The following ADAMTSL1 variants were observed in gnomAD, a reference collection of about 807,000 sequenced individuals.
The protein encoded by ADAMTSL1 is ADAMTS-like protein 1.
In ADAMTSL1, 126 loss-of-function variants were observed where a neutral mutation model predicts 201.8. The observed-to-expected ratio is 0.62, with a 90% CI of 0.54 to 0.72. The LOEUF (loss-of-function observed/expected upper bound fraction) is 0.72. Among genes scored for constraint, ADAMTSL1 ranks in the 30% least tolerant of loss-of-function variants. The probability of loss-of-function intolerance (pLI) is 0.00; values close to 1 mark genes in which losing one functional copy is unlikely to be tolerated. For missense variants in ADAMTSL1, 2,679 were observed against 2,277.8 expected (o/e 1.18, Z -3.59); for synonymous variants, 1,121 against 903.4 (o/e 1.24, Z -4.32).
chr9:18,626,839 T>TTCTTTCTTTCTTTC (rs757449217), intron 5 of ADAMTSL1, among the ~76,000 whole-genome samples: 123 of 133,360 alleles, frequency 9.2e-4, no homozygotes, highest in African/African-American at 3.5e-3. Context: ...CTTACTTTCT[T>TTCTTTCTTTCTTTC]TTTCTTTCTT....
chr9:18,291,677 T>C lies in ADAMTSL1; in HGVS notation c.207+127696T>C, dbSNP rs527368885. 9.6e-4 allele frequency among the ~76,000 whole-genome samples: 145 copies of C among 151,472 alleles called. 2 individuals carry two copies. Among genetic ancestry groups the C allele is most frequent in the Middle Eastern group, 3.4e-3 (1 of 294 alleles). On this transcript the variant is annotated intron_variant, in intron 2 of 29. Coordinates refer to the ADAMTSL1 transcript ENST00000680146. Reference sequence around the variant, plus strand: ...ACAATCTCTCCCCATCATCTCTCTCTCTCTCTCGGGTGCGCACATGCTCTC... The same window carrying C: ...ACAATCTCTCCCCATCATCTCTCTCCCTCTCTCGGGTGCGCACATGCTCTC...
intron 1 of ADAMTSL1, among the ~76,000 whole-genome samples, chr9:18,031,118 G>T (rs1401224668): frequency 6.6e-6 from 1 of 151,998 alleles, no homozygotes; most frequent in Admixed American, 6.6e-5. Context: ...ATTTTGTTAA[G>T]CTTCTTTGCC....
intron 2 of ADAMTSL1, among the ~76,000 whole-genome samples, chr9:18,261,012 C>CT (rs3085417): frequency 0.039 from 4,034 of 104,222 alleles, 256 homozygotes; most frequent in African/African-American, 0.11. Context: ...TTTCCTTTTT[C>CT]TTTTTTTTTT....
At chr9:18,489,242 T>A (rs1356925892) in intron 1 of ADAMTSL1, among the ~76,000 whole-genome samples, 1 of 152,224 alleles carries the variant, frequency 6.6e-6, no homozygotes, top group East Asian at 1.9e-4. Context: ...GAAGATGCTT[T>A]ATAAACTCCC....
intron 1 of ADAMTSL1, among the ~76,000 whole-genome samples, chr9:18,484,843 G>A (rs1046149066): frequency 6.6e-6 from 1 of 152,072 alleles, no homozygotes; most frequent in Non-Finnish European, 1.5e-5. Context: ...GGATTTCATA[G>A]ACTATTAAAA....
intron 2 of ADAMTSL1, among the ~76,000 whole-genome samples, chr9:18,262,218 T>C (rs994913636): frequency 1.3e-5 from 2 of 152,064 alleles, no homozygotes; most frequent in African/African-American, 4.8e-5. Context: ...GAGTAATGAC[T>C]GGTGGAGTAT....
intron 1 of ADAMTSL1, among the ~76,000 whole-genome samples, chr9:17,952,086 G>A (rs992814648): frequency 1.3e-5 from 2 of 150,762 alleles, no homozygotes; most frequent in African/African-American, 2.4e-5. Context: ...AGAGGTGTAT[G>A]CCTCCATGCC....
At chr9:18,162,361 G>A (rs777770253) in intron 1 of ADAMTSL1, among the ~76,000 whole-genome samples, 1 of 151,886 alleles carries the variant, frequency 6.6e-6, no homozygotes, top group Non-Finnish European at 1.5e-5. Flanking sequence ...GGCCTACCTG[G>A]ATAATCCAGG....
At chr9:18,022,681 G>A (rs1230982565) in intron 1 of ADAMTSL1, among the ~76,000 whole-genome samples, 1 of 151,524 alleles carries the variant, frequency 6.6e-6, no homozygotes, top group Non-Finnish European at 1.5e-5. Context: ...TAAAGCAAAA[G>A]CAATTTTAAA....
chr9:18,387,089 T>C (rs572300123), intron 2 of ADAMTSL1, among the ~76,000 whole-genome samples: 43 of 152,212 alleles, frequency 2.8e-4, no homozygotes, highest in Middle Eastern at 3.4e-3. Context: ...AATTAATATA[T>C]ACATTGGGAT....
intron 2 of ADAMTSL1, among the ~76,000 whole-genome samples, chr9:18,419,364 T>C (rs1184933909): frequency 2.0e-5 from 3 of 148,206 alleles, no homozygotes. Context: ...TCAGAACTAT[T>C]AATTGGACTT....
In ADAMTSL1 at chr9:18,829,856, C is replaced by G. The variant is rs1422245943; in HGVS notation, c.4128C>G (p.Val1376=). The G allele has an allele frequency of 6.2e-7, 1 of 1,613,980 alleles. No individual in the cohort carries two copies. The highest frequency in any genetic ancestry group is 1.7e-5 in the Admixed American group (1 of 60,024). Residue 1376 remains valine (V), a synonymous_variant, in exon 23 of 29, where the codon GTC becomes GTG. Transcript: ENST00000380548. The part of the protein sequence containing the change: ...TQLLILDPPQ[V]PTQLEDIRAL... ...GCCTTCTCACAGATCCCCCCCAAGT[C>G]CCCACACAGTTGGAAGACATCAGGG...
intron 23 of ADAMTSL1, among the ~76,000 whole-genome samples, chr9:18,849,718 G>A (rs1032364564): frequency 6.6e-6 from 1 of 152,174 alleles, no homozygotes; most frequent in African/African-American, 2.4e-5. Context: ...ATACTGGAAG[G>A]CCGAGGTTTT....
At chr9:18,206,332 T>G (rs1431232958) in intron 2 of ADAMTSL1, among the ~76,000 whole-genome samples, 3 of 152,140 alleles carry the variant, frequency 2.0e-5, no homozygotes, top group Non-Finnish European at 4.4e-5. Flanking sequence ...GTGATTGACG[T>G]GGAGCCCAGG....
chr9:18,105,981 A>G (rs752427337), intron 1 of ADAMTSL1, among the ~76,000 whole-genome samples: 6 of 152,206 alleles, frequency 3.9e-5, no homozygotes, highest in Admixed American at 1.3e-4. Flanking sequence ...TTATTTTGCA[A>G]TATCGGTCAG....
chr9:18,684,648 G>A (rs1407283043), intron 12 of ADAMTSL1, 68 bp from the exon 13 acceptor site: 25 of 1,520,664 alleles, frequency 1.6e-5, no homozygotes, highest in Non-Finnish European at 2.2e-5. Context: ...AGGAGAATAA[G>A]GAATTTTCCT....
intron 15 of ADAMTSL1, among the ~76,000 whole-genome samples, chr9:18,736,794 A>G (rs915190536): frequency 3.9e-5 from 6 of 152,214 alleles, no homozygotes; most frequent in African/African-American, 1.4e-4. Context: ...TCAAATGTGT[A>G]AAATTATCTT....
At chr9:18,389,395 G>C (rs1837951176) in intron 2 of ADAMTSL1, among the ~76,000 whole-genome samples, 1 of 152,130 alleles carries the variant, frequency 6.6e-6, no homozygotes, top group African/African-American at 2.4e-5. Flanking sequence ...TGATAATCAA[G>C]TATATTTCCA....
At chr9:18,582,327 T>C (rs1000055245) in intron 4 of ADAMTSL1, among the ~76,000 whole-genome samples, 1 of 152,214 alleles carries the variant, frequency 6.6e-6, no homozygotes, top group African/African-American at 2.4e-5. Flanking sequence ...AACCAGGCTG[T>C]AGTCATCCAT....
Sources: gnomAD v4.1 joint callset for allele counts (sites outside exome capture counted in the v4.1 genomes callset) on GRCh38, gnomAD v4.1.1 for gene constraint, MANE v1.5 for transcripts, NCBI Gene and HGNC (gene_info 2026-07-23, HGNC 2026-07-21) for gene names.